Variants in HOXA3 observed in about 807,000 individuals in gnomAD.
HOXA3 encodes the protein homeobox A3, also known as homeobox protein Hox-A3.
HOXA3 carries 8 observed loss-of-function variants against 30.3 expected under a neutral mutation model. The observed-to-expected ratio is 0.26, with a 90% confidence interval of 0.15 to 0.48. The LOEUF (loss-of-function observed/expected upper bound fraction) is 0.48, where lower values mean the gene tolerates loss of function less well. Among genes scored for constraint, HOXA3 ranks in the 20% least tolerant of loss-of-function variants. The probability of loss-of-function intolerance (pLI) is 0.99; values close to 1 mark genes in which losing one functional copy is unlikely to be tolerated. For missense variants in HOXA3, 653 were observed against 614.4 expected (o/e 1.06, Z -0.66); for synonymous variants, 323 against 273.1 (o/e 1.18, Z -1.80).
intron 4 of HOXA3, among the ~76,000 whole-genome samples, chr7:27,114,379 A>G (rs1784557083): frequency 6.6e-6 from 1 of 151,690 alleles, no homozygotes; most frequent in South Asian, 2.1e-4. Context: ...AAGAGAACCA[A>G]GAAAAGTGAG....
chr7:27,129,475 C>T, intron 2 of HOXA3: 1 of 1,614,094 alleles, frequency 6.2e-7, no homozygotes, highest in Non-Finnish European at 8.5e-7. Context: ...GGTCAGGTAT[C>T]GATTGAAGTG....
intron 2 of HOXA3, chr7:27,130,666 T>C: frequency 6.2e-7 from 1 of 1,606,856 alleles, no homozygotes; most frequent in East Asian, 2.2e-5. Context: ...GTGCTGCGCG[T>C]ACTCCTCGAA....
chr7:27,120,536 CAAAA>C (rs5883061), intron 4 of HOXA3, among the ~76,000 whole-genome samples: 4 of 84,248 alleles, frequency 4.7e-5, no homozygotes, highest in South Asian at 4.3e-4. Flanking sequence ...GCGACTCTGT[CAAAA>C]AAAAAAAAAA....
chr7:27,120,997 CA>C (rs764768692), intron 4 of HOXA3: 1 of 152,228 alleles, frequency 6.6e-6, no homozygotes, highest in Non-Finnish European at 1.5e-5. Context: ...TCCTGGTCAC[CA>C]GAGCCAAAAT....
chr7:27,125,926 T>C (rs17427651), intron 3 of HOXA3, among the ~76,000 whole-genome samples: 4,920 of 152,184 alleles, frequency 0.032, 105 homozygotes, highest in Non-Finnish European at 0.049. Context: ...CCCCACCCCA[T>C]AGGGAGGAGG....
chr7:27,147,616 G>T (rs765854235), intron 1 of HOXA3: 1 of 1,614,216 alleles, frequency 6.2e-7, no homozygotes, highest in South Asian at 1.1e-5. Flanking sequence ...CGGGAGACTC[G>T]ACGCCCCGTA....
Position 27,152,373 on chromosome 7 carries a change from T to C in HOXA3, c.-579A>G. On this transcript the variant is annotated 5_prime_UTR_variant, in exon 1 of 6. Transcript: ENST00000612286. ...AGAGAAGAATTGTCCTCTTTCCTGG[T>C]GCCAGAGGACGCAGGAAATTAGCCA... 8.4e-7 allele frequency: 1 copy of C among 1,196,460 alleles called. No individual in the cohort carries two copies. The highest frequency in any genetic ancestry group is 1.1e-6 in the Non-Finnish European group (1 of 943,256). 74.1% of individuals were successfully genotyped at this position (1,196,460 alleles called of 1,614,324 possible).
intron 3 of HOXA3, chr7:27,123,808 G>A (rs906815745): frequency 2.0e-5 from 3 of 152,286 alleles, no homozygotes; most frequent in African/African-American, 7.2e-5. Context: ...CGGTAGCTGC[G>A]CTCTGCCACA....
chr7:27,141,655 A>G, intron 1 of HOXA3: 1 of 654,114 alleles, frequency 1.5e-6, no homozygotes, highest in Non-Finnish European at 2.5e-6. Context: ...AACAGAAAGC[A>G]GATCTACTTA....
rs78128603 is a variant in HOXA3, at chr7:27,107,560, T to A, written c.*355A>T. 2.7e-4 allele frequency: 59 copies of A among 217,342 alleles called. 3 individuals are homozygous for A. In the East Asian group the frequency reaches 4.4e-3, roughly 16 times the overall value. The allele number at this position is 217,342 out of a possible 1,614,324, so 13.5% of individuals were successfully genotyped here. A position where few individuals can be genotyped will look rare whatever the true frequency, so the allele number is the denominator to read the frequency against. On this transcript the variant is annotated 3_prime_UTR_variant, in exon 6 of 6. Transcript: ENST00000612286. ...AATCGCTTCCCCTCGGGAGCCATAA[T>A]GTAAGAACAAATTCACATTGAAAAC...
chr7:27,145,891 G>A (rs751592140), intron 1 of HOXA3: 3 of 1,613,016 alleles, frequency 1.9e-6, no homozygotes, highest in South Asian at 2.2e-5. Context: ...TGGCGGCCTC[G>A]GCGCCCATGG....
intron 1 of HOXA3, chr7:27,143,773 T>G: frequency 7.6e-7 from 1 of 1,321,118 alleles, no homozygotes; most frequent in African/African-American, 1.5e-5. Flanking sequence ...CGTGCTTTTG[T>G]TGTCCAGTCG....
chr7:27,145,922 G>C (rs201765874), intron 1 of HOXA3: 1 of 1,611,038 alleles, frequency 6.2e-7, no homozygotes, highest in Non-Finnish European at 8.5e-7. Context: ...CAGCACCTAC[G>C]AGCAGAAACG....
chr7:27,130,677 G>A, intron 2 of HOXA3: 1 of 1,608,326 alleles, frequency 6.2e-7, no homozygotes, highest in Non-Finnish European at 8.5e-7. Flanking sequence ...ACTCCTCGAA[G>A]GGAGGGAACT....
chr7:27,127,756 T>G (rs929248), intron 2 of HOXA3, among the ~76,000 whole-genome samples: 1 of 152,160 alleles, frequency 6.6e-6, no homozygotes, highest in Non-Finnish European at 1.5e-5. Context: ...GAGCAGAAAA[T>G]TCACAAAGCA....
intron 1 of HOXA3, chr7:27,147,223 C>T: frequency 1.5e-6 from 2 of 1,292,888 alleles, no homozygotes; most frequent in East Asian, 2.3e-5. Context: ...TCTCTCTATT[C>T]CTCTTTCTAC....
chr7:27,128,896 A>C, intron 2 of HOXA3: 1 of 373,788 alleles, frequency 2.7e-6, no homozygotes, highest in Non-Finnish European at 5.0e-6. Flanking sequence ...GTCCCCACTC[A>C]GCATGGGCTG....
Position 27,129,069 on chromosome 7 carries a change from C to A in HOXA3, c.-389-1999G>T. 3 of 696,508 alleles carry A rather than the reference C, an allele frequency of 4.3e-6. No homozygotes were observed. In the South Asian group the frequency reaches 4.9e-5, roughly 11 times the overall value. The allele number at this position is 696,508 out of a possible 1,614,324, so 43.1% of individuals were successfully genotyped here. A position where few individuals can be genotyped will look rare whatever the true frequency, so the allele number is the denominator to read the frequency against. ...GTGGCAACCAGCACAGACTCTTAACCGGATAATGTCTTCTTTTTGATTATT... is the reference window on the plus strand; with the variant it reads ...GTGGCAACCAGCACAGACTCTTAACAGGATAATGTCTTCTTTTTGATTATT... On this transcript the variant is annotated intron_variant, in intron 2 of 5. Coordinates refer to ENST00000612286, the MANE Select transcript of HOXA3 (RefSeq NM_153631.3).
intron 2 of HOXA3, chr7:27,129,344 G>C: frequency 6.2e-7 from 1 of 1,614,186 alleles, no homozygotes; most frequent in Non-Finnish European, 8.5e-7. Context: ...TTGGAGGATC[G>C]CATCTTGGTG....
Sources: allele counts gnomAD v4.1 joint callset (sites outside exome capture counted in the v4.1 genomes callset), GRCh38; gene constraint gnomAD v4.1.1; transcripts MANE v1.5; gene names NCBI Gene and HGNC (gene_info 2026-07-23, HGNC 2026-07-21).